IQCE: variants seen among roughly 807,000 people sequenced by gnomAD.
IQCE encodes IQ motif containing E, also known as IQ domain-containing protein E.
Under a neutral mutation model 96.0 loss-of-function variants are expected in IQCE, and 115 were observed. The observed-to-expected ratio is 1.20, with a 90% CI of 1.03 to 1.40. The LOEUF is 1.40. Among genes scored for constraint, IQCE ranks in the 40% most tolerant of loss-of-function variants. IQCE has a pLI of 0.00. For missense variants in IQCE, 1,041 were observed against 909.1 expected (o/e 1.15, Z -1.87); for synonymous variants, 412 against 371.2 (o/e 1.11, Z -1.26).
Position 2,586,218 on chromosome 7 carries a change from G to GAGAAGAAGACGGGCGCCAAAAGGC in IQCE, c.845_868dup (p.Thr282_Lys289dup). On this transcript the variant is annotated inframe_insertion, in exon 12 of 22. Coordinates refer to ENST00000402050, the MANE Select transcript of IQCE (RefSeq NM_152558.5). ...ATTTGGTTGTTCCAGGCCCCTGGGG[G>GAGAAGAAGACGGGCGCCAAAAGGC]AGAAGAAGACGGGCGCCAAAAGGCA... The GAGAAGAAGACGGGCGCCAAAAGGC allele has an allele frequency of 6.2e-7, 1 of 1,613,714 alleles. No homozygotes were observed. The highest frequency in any genetic ancestry group is 8.5e-7 in the Non-Finnish European group (1 of 1,179,894).
At position 2,614,647 on chromosome 7, in the gene IQCE, T is replaced by G. The variant is rs1000799698; in HGVS notation, c.*4485T>G. ...ATACATAATGTATAGGCCGATCTTTTGGAAGGGATAAGGTTTTCATTCTTG... is the reference window on the plus strand; with the variant it reads ...ATACATAATGTATAGGCCGATCTTTGGGAAGGGATAAGGTTTTCATTCTTG... On this transcript the variant is annotated 3_prime_UTR_variant, in exon 22 of 22. Coordinates refer to ENST00000402050, the MANE Select transcript of IQCE (RefSeq NM_152558.5). 3 of 152,262 alleles carry G rather than the reference T, an allele frequency of 2.0e-5. No homozygotes were observed. The highest frequency in any genetic ancestry group is 4.4e-5 in the Non-Finnish European group (3 of 68,044). 9.4% of individuals were successfully genotyped at this position (152,262 alleles called of 1,614,324 possible).
rs746818384 is a variant in IQCE, at chr7:2,598,468, C to G, written c.1444C>G (p.Gln482Glu). Residue 482 changes from glutamine (Q) to glutamate (E), a missense_variant, in exon 17 of 22, where the codon CAA becomes GAA. Physicochemically the swap from Gln to Glu is conservative, Grantham distance 29. Coordinates refer to ENST00000402050, the MANE Select transcript of IQCE (RefSeq NM_152558.5). ...TTACTCCTTCAATTTCCTGCAGGCC[C>G]AAGAGCTCCCAGCTCCCACTCCCAG... Reference protein sequence around the residue: ...EDCPEVPHKAQELPAPTPSSR... With the variant: ...EDCPEVPHKAEELPAPTPSSR... The G allele has an allele frequency of 1.1e-5, 18 of 1,575,994 alleles. No homozygotes were observed. In the East Asian group the frequency reaches 3.6e-4, roughly 32 times the overall value.
At position 2,610,798 on chromosome 7, in the gene IQCE, C is replaced by T. The variant is rs1171954156; in HGVS notation, c.*636C>T. On this transcript the variant is annotated 3_prime_UTR_variant, in exon 22 of 22. Coordinates refer to ENST00000402050, the MANE Select transcript of IQCE (RefSeq NM_152558.5). ...TTGCTATCCCCTGGAGCACTGCCCTCCAGAGCTGCCCTTCCCAGGAAGGAA... is the reference window on the plus strand; with the variant it reads ...TTGCTATCCCCTGGAGCACTGCCCTTCAGAGCTGCCCTTCCCAGGAAGGAA... 6.5e-6 allele frequency: 1 copy of T among 152,824 alleles called. No individual in the cohort carries two copies. The highest frequency in any genetic ancestry group is 1.5e-5 in the Non-Finnish European group (1 of 68,166). 9.5% of individuals were successfully genotyped at this position (152,824 alleles called of 1,614,324 possible).
At chr7:2,606,955 C>T (rs1562685961) in intron 20 of IQCE, among the ~76,000 whole-genome samples, 169 bp from the exon 21 acceptor site, 1 of 152,162 alleles carries the variant, frequency 6.6e-6, no homozygotes, top group African/African-American at 2.4e-5. Flanking sequence ...CGTTTCTGGA[C>T]CCTGGGTGCA....
intron 6 of IQCE, among the ~76,000 whole-genome samples, chr7:2,576,012 T>G (rs186165239): frequency 6.6e-6 from 1 of 152,246 alleles, no homozygotes; most frequent in Non-Finnish European, 1.5e-5. Context: ...CCATCTTCCT[T>G]GACTGCTGGG....
chr7:2,577,335 T>C (rs1022675940), intron 6 of IQCE, among the ~76,000 whole-genome samples: 16 of 125,812 alleles, frequency 1.3e-4, no homozygotes, highest in African/African-American at 4.0e-4. Context: ...CGTATACACA[T>C]TGGCGTGTGC....
chr7:2,591,117 G>A (rs1208407521), intron 14 of IQCE, among the ~76,000 whole-genome samples: 3 of 152,092 alleles, frequency 2.0e-5, no homozygotes, highest in East Asian at 1.9e-4. Context: ...GCCAGTTGTA[G>A]TGGTTGAAGC....
chr7:2,563,412 TA>T (rs1781123477), intron 1 of IQCE, among the ~76,000 whole-genome samples: 3 of 149,566 alleles, frequency 2.0e-5, no homozygotes, highest in East Asian at 3.9e-4. Context: ...TGTGTGTGTG[TA>T]CAGGGTTTCT....
At chr7:2,566,182 A>G (rs567742674) in intron 1 of IQCE, among the ~76,000 whole-genome samples, 5 of 152,208 alleles carry the variant, frequency 3.3e-5, no homozygotes, top group Admixed American at 3.3e-4. Context: ...CGCATTGGAA[A>G]GCACCAATAT....
In IQCE at chr7:2,607,152, G is replaced by A. The variant is rs201167206; in HGVS notation, c.1894G>A (p.Ala632Thr). ...SATGKRTTTA[A>T]STRRRSASAT... ...TACCGGTAAAAGAACCACCACCGCA[G>A]CTTCTACCAGGAGGAGATCGGCTTC... The change falls in exon 21 of 22, where the codon GCT (alanine) becomes ACT (threonine). Residue 632 changes from alanine to threonine, a missense_variant. Physicochemically the swap from Ala to Thr is moderately conservative, Grantham distance 58. Coordinates refer to ENST00000402050, the MANE Select transcript of IQCE (RefSeq NM_152558.5). 1.9e-6 allele frequency: 3 copies of A among 1,609,174 alleles called. No individual in the cohort carries two copies. The highest frequency in any genetic ancestry group is 2.2e-5 in the South Asian group (2 of 90,340).
intron 8 of IQCE, 148 bp from the exon 9 acceptor site, chr7:2,582,432 T>G: frequency 1.4e-6 from 1 of 699,338 alleles, no homozygotes; most frequent in Non-Finnish European, 2.6e-6. Flanking sequence ...GGGCCCTCCC[T>G]CTTCCCTGGG....
chr7:2,601,750 G>C (rs1040171301), intron 18 of IQCE: 1 of 372,428 alleles, frequency 2.7e-6, no homozygotes, highest in South Asian at 2.6e-5. Context: ...GGGTTTCTCC[G>C]TGTTGGCCAG....
At chr7:2,602,794 C>G (rs927502284) in intron 18 of IQCE, among the ~76,000 whole-genome samples, 10 of 152,260 alleles carry the variant, frequency 6.6e-5, no homozygotes, top group African/African-American at 2.2e-4. Context: ...GGGGTTCATA[C>G]TCTGCAGTCA....
chr7:2,597,559 G>A (rs532204231), intron 16 of IQCE, among the ~76,000 whole-genome samples: 100 of 152,396 alleles, frequency 6.6e-4, no homozygotes, highest in Non-Finnish European at 1.1e-3. Context: ...TTCAGCAACA[G>A]CGTGCTCTCC....
chr7:2,585,633 T>A (rs1191218300), intron 11 of IQCE, among the ~76,000 whole-genome samples: 1 of 152,224 alleles, frequency 6.6e-6, no homozygotes, highest in Non-Finnish European at 1.5e-5. Flanking sequence ...GAAAGCACAC[T>A]TGTTTTTACC....
At chr7:2,572,828 G>A in intron 5 of IQCE, 1 of 441,418 alleles carries the variant, frequency 2.3e-6, no homozygotes. Context: ...ACAGGCATGA[G>A]CCACCGTGCC....
At chr7:2,589,684 G>A (rs1418183284) in intron 13 of IQCE, among the ~76,000 whole-genome samples, 1 of 152,154 alleles carries the variant, frequency 6.6e-6, no homozygotes, top group African/African-American at 2.4e-5. Context: ...CTTGGCGGGG[G>A]TCTGCGCGTG....
intron 18 of IQCE, among the ~76,000 whole-genome samples, chr7:2,604,647 C>T (rs964243287): frequency 2.0e-5 from 3 of 152,298 alleles, no homozygotes; most frequent in Admixed American, 2.0e-4. Context: ...CCCAGAGTCC[C>T]CACTGTGCTG....
rs146560000 is a variant in IQCE at position 2,587,904 on chromosome 7, C to T, written c.1044+27C>T. 48 of 1,607,278 alleles carry T rather than the reference C, an allele frequency of 3.0e-5. 1 individual carries two copies. In the African/African-American group the frequency reaches 3.3e-4, roughly 11 times the overall value. On this transcript the variant is annotated intron_variant, in intron 13 of 21. Coordinates refer to ENST00000402050, the MANE Select transcript of IQCE (RefSeq NM_152558.5). ...TGAGCGGGCGTCTCAGTGCCACTGTCGTTGGGGACCAGGGGCCTCATGCTG... is the reference window on the plus strand; with the variant it reads ...TGAGCGGGCGTCTCAGTGCCACTGTTGTTGGGGACCAGGGGCCTCATGCTG...
Sources: gnomAD v4.1 joint callset for allele counts (sites outside exome capture counted in the v4.1 genomes callset) on GRCh38, gnomAD v4.1.1 for gene constraint, MANE v1.5 for transcripts, NCBI Gene and HGNC (gene_info 2026-07-23, HGNC 2026-07-21) for gene names.